The following DYSF variants were observed in gnomAD, a reference collection of about 807,000 sequenced individuals.
DYSF encodes dysferlin, also known as dystrophy-associated fer-1-like 1.
DYSF carries 212 observed loss-of-function variants against 274.9 expected under a neutral mutation model. The observed-to-expected ratio is 0.77, with a 90% CI of 0.69 to 0.86. The LOEUF (loss-of-function observed/expected upper bound fraction) is 0.86, where lower values mean the gene tolerates loss of function less well. Ranked by LOEUF, DYSF falls within the 40% of genes least tolerant of loss-of-function variation. DYSF has a pLI of 0.00. For missense variants in DYSF, 2,666 were observed against 2,783.2 expected, an observed-to-expected ratio of 0.96 and a Z score of 0.95; for synonymous variants, 1,091 against 1,078.7, an observed-to-expected ratio of 1.01 and a Z score of -0.22.
At chr2:71,505,052 G>A (rs1233029156) in intron 4 of DYSF, among the ~76,000 whole-genome samples, 1 of 152,222 alleles carries the variant, frequency 6.6e-6, no homozygotes, top group Admixed American at 6.5e-5. Context: ...CTGCTGGGTT[G>A]AGCCCCACTA....
chr2:71,627,192 T>TTATTA, intron 41 of DYSF, among the ~76,000 whole-genome samples: 1 of 151,938 alleles, frequency 6.6e-6, no homozygotes, highest in Admixed American at 6.6e-5. Context: ...TTGGGGGAGT[T>TTATTA]TATTATATTT....
intron 41 of DYSF, among the ~76,000 whole-genome samples, chr2:71,621,929 G>A (rs1159637588): frequency 6.6e-6 from 1 of 152,096 alleles, no homozygotes; most frequent in Non-Finnish European, 1.5e-5. Context: ...AAAGTGCTGG[G>A]ATTACAGGCG....
At chr2:71,481,703 C>T (rs1456234240) in intron 2 of DYSF, among the ~76,000 whole-genome samples, 176 bp from the exon 3 acceptor site, 1 of 150,514 alleles carries the variant, frequency 6.6e-6, no homozygotes, top group African/African-American at 2.4e-5. Flanking sequence ...TCTATCCATC[C>T]ATCCATCCAT....
intron 32 of DYSF, among the ~76,000 whole-genome samples, chr2:71,595,058 C>G (rs374905337): frequency 3.1e-4 from 47 of 152,196 alleles, no homozygotes; most frequent in African/African-American, 1.1e-3. Context: ...GTACATACAT[C>G]TAGCTTTTTG....
At chr2:71,529,024 G>A (rs1350612172) in intron 14 of DYSF, among the ~76,000 whole-genome samples, 8 of 151,952 alleles carry the variant, frequency 5.3e-5, no homozygotes, top group South Asian at 2.1e-4. Context: ...AGAGAACTCC[G>A]TAGCTCTCCG....
intron 16 of DYSF, among the ~76,000 whole-genome samples, chr2:71,535,759 C>T (rs1323621762): frequency 1.3e-5 from 2 of 152,082 alleles, no homozygotes; most frequent in African/African-American, 4.8e-5. Context: ...CTGGAGGAGC[C>T]GACCAGATTG....
rs2091950553 is a variant in DYSF, at chr2:71,564,171, C to G, written c.2523C>G (p.Tyr841Ter). The part of the protein sequence containing the change: ...QVLFSRRGAN[Y>*]CGKNCGKLQT... ...TCTTCTCCCGGCGGGGTGCCAACTACTGTGGCAAGAATTGTGGGAAGCTAC... is the reference window on the plus strand; with the variant it reads ...TCTTCTCCCGGCGGGGTGCCAACTAGTGTGGCAAGAATTGTGGGAAGCTAC... The change falls in exon 24 of 56, where the codon TAC (tyrosine) becomes TAG (stop). Residue 841 changes from tyrosine (Y) to a stop codon, truncating the protein, a stop_gained. Coordinates refer to ENST00000410020, the MANE Select transcript of DYSF (RefSeq NM_001130987.2). LOFTEE classifies it high-confidence loss of function. 6.2e-7 allele frequency: 1 copy of G among 1,614,268 alleles called. No individual in the cohort carries two copies. The highest frequency in any genetic ancestry group is 8.5e-7 in the Non-Finnish European group (1 of 1,180,046).
chr2:71,635,766 G>A lies in DYSF; in HGVS notation c.4528-8199G>A, dbSNP rs200628717. Among the ~76,000 whole-genome samples the A allele has an allele frequency of 3.8e-3, 451 of 120,258 alleles. 4 individuals are homozygous for A. The highest frequency in any genetic ancestry group is 9.2e-3 in the Admixed American group (100 of 10,878). The allele number at this position is 120,258 out of a possible 152,430, so 78.9% of individuals were successfully genotyped here. On this transcript the variant is annotated intron_variant, in intron 41 of 55. Transcript: ENST00000410020. ...TCTGTCTCAAAAAAAAAAAAAAAAA[G>A]AAAGAAAAAAGAAAAAGAAAAAAGA... is the stretch of plus-strand genomic sequence containing the variant.
intron 33 of DYSF, 64 bp from the exon 34 acceptor site, chr2:71,600,638 C>T: frequency 2.5e-6 from 4 of 1,611,630 alleles, no homozygotes; most frequent in African/African-American, 2.7e-5. Context: ...GACCTGATCT[C>T]TCTGAGGCTC....
intron 32 of DYSF, 134 bp downstream of exon 32, chr2:71,590,422 C>G: frequency 1.0e-6 from 1 of 953,910 alleles, no homozygotes; most frequent in Middle Eastern, 2.1e-4. Context: ...GGTCCTGTGG[C>G]TTCTTGGTCG....
chr2:71,513,659 C>A lies in DYSF; in HGVS notation c.554-57C>A, dbSNP rs867887876. 16 of 1,585,304 alleles carry A rather than the reference C, an allele frequency of 1.0e-5. No individual in the cohort carries two copies. In the Middle Eastern group the frequency reaches 2.1e-3, roughly 205 times the overall value. On this transcript the variant is annotated intron_variant, in intron 6 of 55. Coordinates refer to ENST00000410020, the MANE Select transcript of DYSF (RefSeq NM_001130987.2). The stretch of plus-strand genomic sequence containing the variant: ...TGCCCCCTGGGCTGGGTCCCAGGGG[C>A]AGGGGCAGGGGCAGGGCCAGAGGGA...
intron 17 of DYSF, among the ~76,000 whole-genome samples, chr2:71,543,310 G>A (rs1317611835): frequency 2.7e-5 from 4 of 150,850 alleles, no homozygotes; most frequent in Non-Finnish European, 5.9e-5. Context: ...ATGGGCAGCC[G>A]GGCAGAGACA....
At chr2:71,557,662 A>G (rs2091434620) in intron 22 of DYSF, among the ~76,000 whole-genome samples, 1 of 152,120 alleles carries the variant, frequency 6.6e-6, no homozygotes, top group African/African-American at 2.4e-5. Flanking sequence ...AGCATGGACT[A>G]TTTAGGAGGG....
chr2:71,557,731 A>T (rs1230915845), intron 22 of DYSF, among the ~76,000 whole-genome samples: 1 of 152,156 alleles, frequency 6.6e-6, no homozygotes, highest in African/African-American at 2.4e-5. Flanking sequence ...TACATGTATT[A>T]ACCAACCATG....
chr2:71,566,876 T>C (rs1217739796), intron 24 of DYSF, among the ~76,000 whole-genome samples: 3 of 152,188 alleles, frequency 2.0e-5, no homozygotes, highest in Non-Finnish European at 2.9e-5. Flanking sequence ...AGCCTTGGCA[T>C]GTCCTCTGCC....
At position 71,569,901 on chromosome 2, in the gene DYSF, G is replaced by C. The variant is rs770460209; in HGVS notation, c.2946G>C (p.Gln982His). The change falls in exon 27 of 56, where the codon CAG becomes CAC. Residue 982 changes from glutamine (Q) to histidine (H), a missense_variant. Transcript: ENST00000410020. ...ACCAGACCCGGCTTCCCGGAGGCCA[G>C]TGGATCTACATGAGTGACAACTACA... Reference protein sequence around the residue: ...FENQTRLPGGQWIYMSDNYTD... With the variant: ...FENQTRLPGGHWIYMSDNYTD... 1 of 1,614,172 alleles carries C rather than the reference G, an allele frequency of 6.2e-7. No homozygotes were observed. Among genetic ancestry groups the C allele is most frequent in the Non-Finnish European group, 8.5e-7 (1 of 1,180,042 alleles).
At chr2:71,686,339 T>C in intron 55 of DYSF, 115 bp from the exon 56 acceptor site, 1 of 1,336,014 alleles carries the variant, frequency 7.5e-7, no homozygotes, top group Non-Finnish European at 1.1e-6. Flanking sequence ...TCTCCCAGCC[T>C]CTTGCCTGTT....
intron 40 of DYSF, 52 bp downstream of exon 40, chr2:71,613,462 T>C: frequency 6.9e-7 from 1 of 1,451,626 alleles, no homozygotes; most frequent in Non-Finnish European, 9.6e-7. Context: ...CCTCCATTCC[T>C]CATCAATTCC....
At chr2:71,572,008 ACACT>A (rs1359236789) in intron 29 of DYSF, among the ~76,000 whole-genome samples, 83 of 146,962 alleles carry the variant, frequency 5.6e-4, no homozygotes, top group African/African-American at 2.1e-3. Context: ...AGCACAGATC[ACACT>A]CAGCACACAC....
Sources: gnomAD v4.1 joint callset for allele counts (sites outside exome capture counted in the v4.1 genomes callset) on GRCh38, gnomAD v4.1.1 for gene constraint, MANE v1.5 for transcripts, NCBI Gene and HGNC (gene_info 2026-07-23, HGNC 2026-07-21) for gene names.